Variants in UNC5B observed in about 807,000 individuals in gnomAD.
UNC5B encodes the protein netrin receptor UNC5B.
A neutral mutation model predicts 103.7 loss-of-function variants in UNC5B; 56 were observed. The observed-to-expected ratio is 0.54, with a 90% CI of 0.44 to 0.67. UNC5B has a LOEUF of 0.67. Among genes scored for constraint, UNC5B ranks in the 30% least tolerant of loss-of-function variants. The pLI, the probability that UNC5B is intolerant of heterozygous loss-of-function variation, is 0.00. For missense variants in UNC5B, 1,194 were observed against 1,284.5 expected (o/e 0.93, Z 1.08); for synonymous variants, 577 against 542.0 (o/e 1.06, Z -0.90).
At position 71,213,091 on chromosome 10, in the gene UNC5B, C is replaced by G. The variant is rs761145168; in HGVS notation, c.79+27C>G. ...TAGGAAGCGATCGGGTCTGGGGGCG[C>G]GGGGCTAGGGGACCCTTGCGCCTCA... On this transcript the variant is annotated intron_variant, in intron 1 of 16. Coordinates refer to ENST00000335350, the MANE Select transcript of UNC5B (RefSeq NM_170744.5). This position sits in a 1 kb window ranked among gnomAD's most constrained non-coding sequence, Gnocchi z 4.1. The G allele has an allele frequency of 7.7e-7, 1 of 1,293,752 alleles. No individual in the cohort carries two copies. The highest frequency in any genetic ancestry group is 2.9e-5 in the East Asian group (1 of 34,084). The allele number at this position is 1,293,752 out of a possible 1,614,324, so 80.1% of individuals were successfully genotyped here.
intron 1 of UNC5B, among the ~76,000 whole-genome samples, chr10:71,258,391 T>A (rs1844340715): frequency 6.6e-6 from 1 of 152,252 alleles, no homozygotes; most frequent in Admixed American, 6.5e-5. Context: ...GCTCACAAAT[T>A]GGGAGACTCT....
chr10:71,265,854 T>G (rs1296574028), intron 1 of UNC5B, among the ~76,000 whole-genome samples: 2 of 151,980 alleles, frequency 1.3e-5, no homozygotes, highest in Non-Finnish European at 2.9e-5. Context: ...TGTCCCCAGG[T>G]CCCCCATGCT....
chr10:71,266,068 A>G (rs1261451572), intron 1 of UNC5B, among the ~76,000 whole-genome samples: 4 of 152,024 alleles, frequency 2.6e-5, no homozygotes, highest in African/African-American at 9.7e-5. Flanking sequence ...CCGTGCTTCT[A>G]TCCTTTCTTT....
intron 1 of UNC5B, among the ~76,000 whole-genome samples, chr10:71,263,685 C>T (rs1844465049): frequency 2.0e-5 from 3 of 152,242 alleles, no homozygotes; most frequent in Non-Finnish European, 1.5e-5. Flanking sequence ...TAAACCTTTA[C>T]ATCAAGGGCA....
intron 1 of UNC5B, among the ~76,000 whole-genome samples, chr10:71,259,026 T>C (rs1298068561): frequency 1.3e-5 from 2 of 152,200 alleles, no homozygotes; most frequent in Non-Finnish European, 2.9e-5. Context: ...TCGGGTGAAC[T>C]GGGATAGAAT....
intron 1 of UNC5B, among the ~76,000 whole-genome samples, chr10:71,230,094 C>T (rs1348668267): frequency 1.3e-5 from 2 of 152,178 alleles, no homozygotes; most frequent in Non-Finnish European, 2.9e-5. Flanking sequence ...CCTCTCTGCT[C>T]TTGCCTTGGT....
Position 71,288,695 on chromosome 10 carries a change from C to T in UNC5B, c.1029C>T (p.Leu343=), listed in dbSNP as rs539145816. The change falls in exon 7 of 17, where the codon CTC becomes CTT. Residue 343 remains leucine (L), a synonymous_variant. Coordinates refer to ENST00000335350, the MANE Select transcript of UNC5B (RefSeq NM_170744.5). ...GCCGTGACTGCAGCGGGACGCTGCT[C>T]GACTCTAAGAACTGCACAGATGGGC... The part of the protein sequence containing the change: ...NGGRDCSGTL[L]DSKNCTDGLC... 788 of 1,613,512 alleles carry T rather than the reference C, an allele frequency of 4.9e-4. 9 individuals carry two copies. In the South Asian group the frequency reaches 7.5e-3, roughly 15 times the overall value.
At chr10:71,233,473 C>G (rs779771766) in intron 1 of UNC5B, among the ~76,000 whole-genome samples, 1 of 152,220 alleles carries the variant, frequency 6.6e-6, no homozygotes, top group Non-Finnish European at 1.5e-5. Context: ...ACCTTTGCCT[C>G]TCCCACTGGC....
chr10:71,292,401 G>A, intron 10 of UNC5B, 66 bp from the exon 11 acceptor site: 1 of 1,415,188 alleles, frequency 7.1e-7, no homozygotes, highest in Non-Finnish European at 9.8e-7. Context: ...CCAAGCTGGG[G>A]CCAACTTCCC....
chr10:71,265,166 G>A (rs754863094), intron 1 of UNC5B, among the ~76,000 whole-genome samples: 6 of 152,092 alleles, frequency 3.9e-5, no homozygotes, highest in African/African-American at 7.2e-5. Flanking sequence ...AGTACTTGGC[G>A]CAGAACCTGA....
chr10:71,284,687 CT>C, intron 2 of UNC5B, 32 bp from the exon 3 acceptor site: 1 of 1,610,902 alleles, frequency 6.2e-7, no homozygotes, highest in Non-Finnish European at 8.5e-7. Context: ...TGCTTTGCCC[CT>C]GCCCCCTGAC....
At position 71,213,677 on chromosome 10, in the gene UNC5B, T is replaced by TTATTATTATTATTAC. The variant is rs1491145743; in HGVS notation, c.79+627_79+628insCTATTATTATTATTA. Reference sequence around the variant, plus strand: ...CGCTGGGCCCGCAGGTCTGGAAGAATTATTATTATTATTATTATTATTATT... The same window carrying TTATTATTATTATTAC: ...CGCTGGGCCCGCAGGTCTGGAAGAATTATTATTATTATTACTATTATTATTATTATTATTATTATT... On this transcript the variant is annotated intron_variant, in intron 1 of 16. Coordinates refer to ENST00000335350, the MANE Select transcript of UNC5B (RefSeq NM_170744.5). This position sits in a 1 kb window ranked among gnomAD's most constrained non-coding sequence, Gnocchi z 4.1. 5.5e-5 allele frequency among the ~76,000 whole-genome samples: 6 copies of TTATTATTATTATTAC among 108,940 alleles called. No individual in the cohort carries two copies. The highest frequency in any genetic ancestry group is 1.8e-4 in the Admixed American group (2 of 10,976). The allele number at this position is 108,940 out of a possible 152,430, so 71.5% of individuals were successfully genotyped here.
At chr10:71,226,959 T>G (rs926093583) in intron 1 of UNC5B, among the ~76,000 whole-genome samples, 1 of 151,188 alleles carries the variant, frequency 6.6e-6, no homozygotes, top group Non-Finnish European at 1.5e-5. Flanking sequence ...CACAGCAACC[T>G]GGATGGAGTT....
In UNC5B at chr10:71,299,200, A is replaced by C; in HGVS notation, c.2761A>C (p.Asn921His). The C allele has an allele frequency of 6.2e-7, 1 of 1,614,246 alleles. No homozygotes were observed. The change falls in exon 17 of 17, where the codon AAC becomes CAC. Residue 921 changes from asparagine to histidine, a missense_variant. Asn to His is a moderately conservative substitution (Grantham distance 68, BLOSUM62 1). Transcript: ENST00000335350. The part of the protein sequence containing the change: ...EALQQDDGDL[N>H]SLASALEEMG... ...TCTGCAGCAGGACGATGGGGACCTC[A>C]ACAGCCTGGCGAGTGCCTTGGAGGA...
At chr10:71,236,942 C>T (rs530287789) in intron 1 of UNC5B, among the ~76,000 whole-genome samples, 5 of 152,352 alleles carry the variant, frequency 3.3e-5, no homozygotes, top group East Asian at 3.9e-4. Flanking sequence ...CTGAAGAGAA[C>T]GCCCACATTT....
At position 71,249,756 on chromosome 10, in the gene UNC5B, G is replaced by A. The variant is rs143603217; in HGVS notation, c.80-30065G>A. Among the ~76,000 whole-genome samples, 22 of 152,304 alleles carry A rather than the reference G, an allele frequency of 1.4e-4. No homozygotes were observed. In the East Asian group the frequency reaches 3.7e-3, roughly 25 times the overall value. On this transcript the variant is annotated intron_variant, in intron 1 of 16. Coordinates refer to ENST00000335350, the MANE Select transcript of UNC5B (RefSeq NM_170744.5). ...GATTGGTGGGGTAGTCCATTATACA[G>A]AAGGAAAAACCAAGGCTGCAGGAGG...
chr10:71,238,350 T>A (rs1843818854), intron 1 of UNC5B, among the ~76,000 whole-genome samples: 1 of 152,178 alleles, frequency 6.6e-6, no homozygotes, highest in Admixed American at 6.5e-5. Flanking sequence ...CTTCCCAAAG[T>A]TTCCAGTGAC....
intron 6 of UNC5B, among the ~76,000 whole-genome samples, chr10:71,288,216 T>C (rs1406082036): frequency 6.6e-6 from 1 of 152,216 alleles, no homozygotes; most frequent in Non-Finnish European, 1.5e-5. Context: ...CCCGCACATG[T>C]GCTGTGTTCT....
chr10:71,276,293 T>TAA (rs1360523468), intron 1 of UNC5B, among the ~76,000 whole-genome samples: 3 of 152,000 alleles, frequency 2.0e-5, no homozygotes, highest in Admixed American at 2.0e-4. Flanking sequence ...CCTGGCAGGG[T>TAA]AAGCATCCAG....
Sources: allele counts gnomAD v4.1 joint callset (sites outside exome capture counted in the v4.1 genomes callset), GRCh38; gene constraint gnomAD v4.1.1; non-coding constraint Gnocchi (gnomAD v3.1); transcripts MANE v1.5; gene names NCBI Gene and HGNC (gene_info 2026-07-23, HGNC 2026-07-21).